Variants in LHFPL6 observed in about 807,000 individuals in gnomAD.
LHFPL6 encodes the protein LHFPL tetraspan subfamily member 6.
Under a neutral mutation model 20.6 loss-of-function variants are expected in LHFPL6, and 9 were observed. That is an observed-to-expected ratio of 0.44 (90% CI 0.26 to 0.76). The LOEUF (loss-of-function observed/expected upper bound fraction) is 0.76. Ranked by LOEUF, LHFPL6 falls within the 30% of genes least tolerant of loss-of-function variation. The pLI is 0.20. For synonymous variants in LHFPL6, 105 were observed against 98.7 expected, an observed-to-expected ratio of 1.06 and a Z score of -0.38; for missense variants, 218 against 253.5, an observed-to-expected ratio of 0.86 and a Z score of 0.95.
intron 2 of LHFPL6, among the ~76,000 whole-genome samples, chr13:39,479,487 A>G (rs562587797): frequency 6.6e-6 from 1 of 152,308 alleles, no homozygotes; most frequent in Non-Finnish European, 1.5e-5. Flanking sequence ...GAGTGATAAC[A>G]ATGTGAAACA....
intron 2 of LHFPL6, among the ~76,000 whole-genome samples, chr13:39,424,239 C>G (rs933512915): frequency 2.6e-5 from 4 of 152,048 alleles, no homozygotes; most frequent in Non-Finnish European, 4.4e-5. Flanking sequence ...GACCTTAGAT[C>G]TGGAAAGTCA....
In LHFPL6 at chr13:39,346,831, C is replaced by T. The variant is rs899334999; in HGVS notation, c.485-2777G>A. On this transcript the variant is annotated intron_variant, in intron 3 of 3. Transcript: ENST00000379589. ...CTTGAGGTCAGGAGTTCAAGACTGG[C>T]CTTGCCAACATGGTGAAACCCCATC... is the stretch of plus-strand genomic sequence containing the variant. 5.9e-5 allele frequency among the ~76,000 whole-genome samples: 9 copies of T among 152,122 alleles called. No individual in the cohort carries two copies. In the South Asian group the frequency reaches 1.9e-3, roughly 31 times the overall value.
At chr13:39,535,264 G>C (rs1489674256) in intron 2 of LHFPL6, among the ~76,000 whole-genome samples, 1 of 152,190 alleles carries the variant, frequency 6.6e-6, no homozygotes, top group African/African-American at 2.4e-5. Context: ...ACATGTTTTT[G>C]TGAGAGGCAA....
chr13:39,471,955 GT>G (rs1223048021), intron 2 of LHFPL6, among the ~76,000 whole-genome samples: 1 of 152,156 alleles, frequency 6.6e-6, no homozygotes, highest in Non-Finnish European at 1.5e-5. Context: ...CCAGAAGATG[GT>G]GTGGATAGGA....
intron 2 of LHFPL6, among the ~76,000 whole-genome samples, chr13:39,538,626 T>C (rs1021792135): frequency 2.6e-5 from 4 of 151,712 alleles, no homozygotes; most frequent in African/African-American, 9.7e-5. Flanking sequence ...AGACACCAAA[T>C]GCAAGGAATA....
chr13:39,384,140 T>G (rs1158593262), intron 2 of LHFPL6, among the ~76,000 whole-genome samples: 1 of 152,238 alleles, frequency 6.6e-6, no homozygotes, highest in African/African-American at 2.4e-5. Context: ...AATACTGATC[T>G]TAATACCCCA....
chr13:39,483,054 T>C (rs370495180), intron 2 of LHFPL6, among the ~76,000 whole-genome samples: 6 of 152,352 alleles, frequency 3.9e-5, no homozygotes, highest in African/African-American at 1.2e-4. Flanking sequence ...ACTGTTGCAA[T>C]ACTTTTTTTG....
At chr13:39,464,506 T>A (rs1033632535) in intron 2 of LHFPL6, among the ~76,000 whole-genome samples, 7 of 152,174 alleles carry the variant, frequency 4.6e-5, no homozygotes, top group Non-Finnish European at 1.0e-4. Flanking sequence ...TAACTCTCCA[T>A]GAGAGAACAC....
chr13:39,589,141 G>A (rs1872534125), intron 2 of LHFPL6, among the ~76,000 whole-genome samples: 1 of 152,040 alleles, frequency 6.6e-6, no homozygotes, highest in South Asian at 2.1e-4. Context: ...TTGAGATAGA[G>A]TCTTGCCCAG....
chr13:39,525,937 G>A (rs1170666583), intron 2 of LHFPL6, among the ~76,000 whole-genome samples: 1 of 151,342 alleles, frequency 6.6e-6, no homozygotes, highest in African/African-American at 2.4e-5. Flanking sequence ...GAAATAATCA[G>A]TCACAGAAAC....
chr13:39,525,789 A>G (rs1382984483), intron 2 of LHFPL6, among the ~76,000 whole-genome samples: 1 of 152,244 alleles, frequency 6.6e-6, no homozygotes, highest in Non-Finnish European at 1.5e-5. Context: ...AAACCAGTGC[A>G]TGCAAAAGGC....
intron 2 of LHFPL6, among the ~76,000 whole-genome samples, chr13:39,453,830 A>G (rs188073371): frequency 3.3e-4 from 51 of 152,336 alleles, no homozygotes; most frequent in African/African-American, 1.2e-3. Context: ...TCAACAAGCA[A>G]GTCGTGTGTG....
intron 2 of LHFPL6, among the ~76,000 whole-genome samples, chr13:39,436,348 T>C (rs1871956079): frequency 6.6e-6 from 1 of 152,210 alleles, no homozygotes; most frequent in Non-Finnish European, 1.5e-5. Context: ...ATTTTTGATG[T>C]CCTGTTAAAA....
At chr13:39,537,887 C>T (rs771555159) in intron 2 of LHFPL6, among the ~76,000 whole-genome samples, 1 of 151,754 alleles carries the variant, frequency 6.6e-6, no homozygotes, top group Non-Finnish European at 1.5e-5. Flanking sequence ...TAGAGGGCAC[C>T]CTGGAACAAA....
At chr13:39,364,821 AC>A (rs1018890567) in intron 3 of LHFPL6, among the ~76,000 whole-genome samples, 1 of 152,220 alleles carries the variant, frequency 6.6e-6, no homozygotes, top group African/African-American at 2.4e-5. Context: ...AAAATGGTTT[AC>A]CCTTTGTCTT....
At chr13:39,400,776 C>T (rs1870967777) in intron 2 of LHFPL6, among the ~76,000 whole-genome samples, 1 of 69,540 alleles carries the variant, frequency 1.4e-5, no homozygotes, top group African/African-American at 6.4e-5. Flanking sequence ...GAGCGAGACT[C>T]CGTCTCAAAA....
intron 2 of LHFPL6, among the ~76,000 whole-genome samples, chr13:39,452,118 G>C (rs932166027): frequency 1.3e-5 from 2 of 148,542 alleles, no homozygotes; most frequent in Non-Finnish European, 3.0e-5. Flanking sequence ...AAAAAAAAAG[G>C]ATATAACAGA....
At chr13:39,537,933 C>T (rs567392823) in intron 2 of LHFPL6, among the ~76,000 whole-genome samples, 1 of 151,882 alleles carries the variant, frequency 6.6e-6, no homozygotes, top group Non-Finnish European at 1.5e-5. Context: ...GTGGCTAGTT[C>T]AACTTCTAGC....
At chr13:39,491,706 A>G (rs913240322) in intron 2 of LHFPL6, among the ~76,000 whole-genome samples, 8 of 152,204 alleles carry the variant, frequency 5.3e-5, no homozygotes, top group Non-Finnish European at 1.0e-4. Flanking sequence ...GGGCTGTCCA[A>G]TACAAATTTC....
Sources: allele counts gnomAD v4.1 joint callset (sites outside exome capture counted in the v4.1 genomes callset), GRCh38; gene constraint gnomAD v4.1.1; transcripts MANE v1.5; gene names NCBI Gene and HGNC (gene_info 2026-07-23, HGNC 2026-07-21).